The following NEK1 variants were observed in gnomAD, a reference collection of about 807,000 sequenced individuals.
NEK1 encodes NIMA related kinase 1.
NEK1 carries 137 observed loss-of-function variants against 182.1 expected under a neutral mutation model. The observed-to-expected ratio is 0.75, with a 90% CI of 0.65 to 0.87. The LOEUF is 0.87. Among genes scored for constraint, NEK1 ranks in the 40% least tolerant of loss-of-function variants. The pLI, the probability that NEK1 is intolerant of heterozygous loss-of-function variation, is 0.00. For synonymous variants in NEK1, 513 were observed against 492.2 expected (o/e 1.04, Z -0.56); for missense variants, 1,391 against 1,494.4 (o/e 0.93, Z 1.14).
chr4:169,586,677 C>G (rs1157955990), intron 9 of NEK1, among the ~76,000 whole-genome samples: 3 of 151,794 alleles, frequency 2.0e-5, no homozygotes, highest in Non-Finnish European at 4.4e-5. Context: ...TAACCACCAT[C>G]CCACATTACT....
intron 19 of NEK1, among the ~76,000 whole-genome samples, chr4:169,518,346 G>A (rs1395575965): frequency 1.8e-5 from 2 of 112,144 alleles, no homozygotes; most frequent in East Asian, 5.0e-4. Flanking sequence ...GGGATCGGTG[G>A]TGATATCCCC....
chr4:169,509,278 A>G (rs1412430364), intron 19 of NEK1, among the ~76,000 whole-genome samples: 1 of 152,172 alleles, frequency 6.6e-6, no homozygotes, highest in African/African-American at 2.4e-5. Context: ...TCTGAATTCA[A>G]CAAATGGGTT....
At chr4:169,404,750 G>A (rs1732277578) in intron 32 of NEK1, among the ~76,000 whole-genome samples, 1 of 150,908 alleles carries the variant, frequency 6.6e-6, no homozygotes, top group African/African-American at 2.4e-5. Context: ...ACAAGGTAAA[G>A]GAAGGTTCTT....
chr4:169,439,859 T>TG (rs1161426809), intron 27 of NEK1, among the ~76,000 whole-genome samples: 4 of 148,370 alleles, frequency 2.7e-5, no homozygotes, highest in Non-Finnish European at 6.0e-5. Context: ...TTTTTTTTTT[T>TG]TTTTTTTGTT....
At chr4:169,452,395 G>A (rs574707704) in intron 27 of NEK1, among the ~76,000 whole-genome samples, 46 of 152,246 alleles carry the variant, frequency 3.0e-4, no homozygotes, top group African/African-American at 7.9e-4. Context: ...CCTGATGAAC[G>A]TCGATGCGAA....
At position 169,406,764 on chromosome 4, in the gene NEK1, C is replaced by T; in HGVS notation, c.3223-17G>A. 1 of 1,557,464 alleles carries T rather than the reference C, an allele frequency of 6.4e-7. No homozygotes were observed. Among genetic ancestry groups the T allele is most frequent in the East Asian group, 2.3e-5 (1 of 42,986 alleles). ...CCTTAACATCTAAAATAAAAATCAA[C>T]AAATTTCTTATTAGGAGAAAGATAA... On this transcript the variant is annotated splice_polypyrimidine_tract_variant and intron_variant, in intron 31 of 35. Coordinates refer to ENST00000507142, the MANE Select transcript of NEK1 (RefSeq NM_001199397.3).
intron 12 of NEK1, among the ~76,000 whole-genome samples, chr4:169,566,320 TATGAA>T (rs1763669306): frequency 6.6e-6 from 1 of 152,200 alleles, no homozygotes; most frequent in Non-Finnish European, 1.5e-5. Flanking sequence ...TTCAAATATT[TATGAA>T]ATGAAAATAC....
At chr4:169,495,204 T>C (rs7439705) in intron 23 of NEK1, among the ~76,000 whole-genome samples, 3 of 150,826 alleles carry the variant, frequency 2.0e-5, no homozygotes, top group Non-Finnish European at 4.4e-5. Context: ...GGTTTTCTTC[T>C]AGGGTTTTTA....
intron 23 of NEK1, among the ~76,000 whole-genome samples, chr4:169,490,236 C>G (rs1749807785): frequency 6.6e-6 from 1 of 152,248 alleles, no homozygotes; most frequent in Admixed American, 6.5e-5. Flanking sequence ...CTACCTGGAA[C>G]CAGAGGCAGA....
chr4:169,402,455 A>T (rs568968595), intron 32 of NEK1, among the ~76,000 whole-genome samples: 1 of 152,322 alleles, frequency 6.6e-6, no homozygotes, highest in African/African-American at 2.4e-5. Flanking sequence ...GCTTATTCTT[A>T]AAAATGTTCT....
At chr4:169,484,314 G>A (rs1345154978) in intron 23 of NEK1, among the ~76,000 whole-genome samples, 1 of 152,170 alleles carries the variant, frequency 6.6e-6, no homozygotes. Flanking sequence ...CCAGAGTGCT[G>A]GGATTACAGG....
At chr4:169,587,911 C>T (rs797010349) in intron 8 of NEK1, among the ~76,000 whole-genome samples, 5 of 151,932 alleles carry the variant, frequency 3.3e-5, no homozygotes, top group African/African-American at 1.2e-4. Flanking sequence ...AAACTTTTTT[C>T]AATTATTTGT....
chr4:169,457,381 A>T (rs1743090587), intron 27 of NEK1, among the ~76,000 whole-genome samples: 1 of 151,928 alleles, frequency 6.6e-6, no homozygotes, highest in Non-Finnish European at 1.5e-5. Flanking sequence ...AAGAAAAAAG[A>T]GCAATTGACT....
At chr4:169,452,316 T>C (rs907167368) in intron 27 of NEK1, among the ~76,000 whole-genome samples, 6 of 152,346 alleles carry the variant, frequency 3.9e-5, no homozygotes, top group Middle Eastern at 3.4e-3. Flanking sequence ...TAACGCATTT[T>C]ATGAGGCCAA....
Position 169,433,545 on chromosome 4 carries a change from T to C in NEK1, c.2885A>G (p.Gln962Arg), listed in dbSNP as rs769474741. ...AAATGTCAGGAAAAGATGTACATAC[T>C]GAGTTTCCTTTGTTTCTTTTTCCTC... is the stretch of plus-strand genomic sequence containing the variant. ...ISEEKETKET[Q>R]SADRITIQEN... Residue 962 changes from glutamine (Q) to arginine (R), a missense_variant and splice_region_variant, in exon 29 of 36, where the codon CAG (glutamine) becomes CGG (arginine). Transcript: ENST00000507142. 7.7e-5 allele frequency: 123 copies of C among 1,607,056 alleles called. No homozygotes were observed. Among genetic ancestry groups the C allele is most frequent in the Non-Finnish European group, 8.9e-5 (105 of 1,178,004 alleles).
intron 20 of NEK1, 63 bp from the exon 21 acceptor site, chr4:169,508,394 C>T (rs1165485474): frequency 2.0e-5 from 27 of 1,334,534 alleles, no homozygotes; most frequent in Non-Finnish European, 2.7e-5. Flanking sequence ...ATTTTTACTG[C>T]TAGATTTTTT....
intron 27 of NEK1, among the ~76,000 whole-genome samples, chr4:169,452,675 GA>G (rs1352446723): frequency 2.6e-5 from 4 of 152,026 alleles, no homozygotes; most frequent in Non-Finnish European, 5.9e-5. Context: ...AAAATAATAA[GA>G]ACTATTTATG....
Position 169,599,163 on chromosome 4 carries a change from A to T in NEK1, c.249T>A (p.Cys83Ter). 6.2e-7 allele frequency: 1 copy of T among 1,613,268 alleles called. No individual in the cohort carries two copies. The highest frequency in any genetic ancestry group is 8.5e-7 in the Non-Finnish European group (1 of 1,179,582). The change falls in exon 5 of 36, where the codon TGT (cysteine) becomes TGA (stop). Residue 83 changes from cysteine to a stop codon, truncating the protein, a stop_gained. Coordinates refer to ENST00000507142, the MANE Select transcript of NEK1 (RefSeq NM_001199397.3). LOFTEE classifies it high-confidence loss of function. ...NGSLYIVMDYCEGGDLFKRIN... is the reference protein window; with the variant it reads ...NGSLYIVMDY The stretch of plus-strand genomic sequence containing the variant: ...TTCGCTTAAACAGATCCCCTCCCTC[A>T]CAGTAATCCATTACTATGTAGAGAG...
chr4:169,439,418 C>A (rs192330297), intron 27 of NEK1, among the ~76,000 whole-genome samples: 2 of 152,164 alleles, frequency 1.3e-5, no homozygotes, highest in Admixed American at 6.5e-5. Flanking sequence ...TTCTAGTCAA[C>A]AGAGAACAAA....
Sources: gnomAD v4.1 joint callset for allele counts (sites outside exome capture counted in the v4.1 genomes callset) on GRCh38, gnomAD v4.1.1 for gene constraint, MANE v1.5 for transcripts, NCBI Gene and HGNC (gene_info 2026-07-23, HGNC 2026-07-21) for gene names.